Variants in NAALADL2 observed in about 807,000 individuals in gnomAD.
The protein encoded by NAALADL2 is N-acetylated alpha-linked acidic dipeptidase like 2, also known as inactive N-acetylated-alpha-linked acidic dipeptidase-like protein 2.
NAALADL2 carries 76 observed loss-of-function variants against 87.2 expected under a neutral mutation model. The ratio of observed to expected loss-of-function variants is 0.87; its 90% CI spans 0.72 to 1.05. The LOEUF (loss-of-function observed/expected upper bound fraction) is 1.05. Among genes scored for constraint, NAALADL2 ranks in the 50% least tolerant of loss-of-function variants. NAALADL2 has a pLI of 0.00. For synonymous variants in NAALADL2, 354 were observed against 331.0 expected (o/e 1.07, Z -0.75); for missense variants, 1,089 against 945.8 (o/e 1.15, Z -1.99).
intron 2 of NAALADL2, among the ~76,000 whole-genome samples, chr3:174,589,013 G>A (rs994824174): frequency 1.3e-5 from 2 of 152,054 alleles, no homozygotes; most frequent in Admixed American, 6.5e-5. Flanking sequence ...CTTGAGCTGC[G>A]GTGGGTTCCA....
chr3:174,977,302 T>G (rs9872910), intron 1 of NAALADL2, among the ~76,000 whole-genome samples: 2 of 151,834 alleles, frequency 1.3e-5, no homozygotes, highest in Non-Finnish European at 2.9e-5. Flanking sequence ...TTTTTGTATT[T>G]TTAGTAGAGA....
intron 2 of NAALADL2, among the ~76,000 whole-genome samples, chr3:175,133,322 C>T (rs1453016725): frequency 7.9e-5 from 12 of 152,212 alleles, no homozygotes; most frequent in East Asian, 5.8e-4. Context: ...GACGGGGTGG[C>T]GGCTGGGCAG....
At chr3:175,089,492 T>C (rs1719668754) in intron 1 of NAALADL2, among the ~76,000 whole-genome samples, 2 of 152,178 alleles carry the variant, frequency 1.3e-5, no homozygotes, top group Admixed American at 1.3e-4. Context: ...AAAACGGGGA[T>C]AATAATAGCA....
intron 13 of NAALADL2, among the ~76,000 whole-genome samples, chr3:175,775,469 A>G (rs1750097161): frequency 1.3e-5 from 2 of 152,136 alleles, no homozygotes; most frequent in Admixed American, 1.3e-4. Flanking sequence ...GCCTCATTAA[A>G]ACAAACAAAT....
At chr3:175,216,581 C>A (rs1451483951) in intron 2 of NAALADL2, among the ~76,000 whole-genome samples, 1 of 151,282 alleles carries the variant, frequency 6.6e-6, no homozygotes, top group Non-Finnish European at 1.5e-5. Context: ...TAGTGAGGTA[C>A]AGAACTCTTG....
At chr3:175,030,918 CT>C (rs869293649) in intron 1 of NAALADL2, among the ~76,000 whole-genome samples, 1 of 151,906 alleles carries the variant, frequency 6.6e-6, no homozygotes, top group African/African-American at 2.4e-5. Flanking sequence ...GCAGATACTA[CT>C]TTTTTAAAAA....
At chr3:175,554,219 T>A (rs1714900171) in intron 9 of NAALADL2, among the ~76,000 whole-genome samples, 1 of 152,090 alleles carries the variant, frequency 6.6e-6, no homozygotes, top group Non-Finnish European at 1.5e-5. Flanking sequence ...GAGGCAGCAA[T>A]CGGGAGCCAT....
intron 9 of NAALADL2, among the ~76,000 whole-genome samples, chr3:175,521,184 A>T (rs1431770329): frequency 1.3e-5 from 2 of 151,864 alleles, no homozygotes; most frequent in Non-Finnish European, 2.9e-5. Flanking sequence ...GTCTCAAGGG[A>T]GTATACATTT....
rs780197455 is a variant in NAALADL2, at chr3:175,471,765, C to A, written c.1653+7C>A. On this transcript the variant is annotated splice_region_variant and intron_variant, in intron 9 of 13. Transcript: ENST00000454872. ...TCAGCAACTGGTAGTAGAGGTAAGACAAACCACTATTGTATCAAATGATTA... is the reference window on the plus strand; with the variant it reads ...TCAGCAACTGGTAGTAGAGGTAAGAAAAACCACTATTGTATCAAATGATTA... 2 of 1,596,960 alleles carry A rather than the reference C, an allele frequency of 1.3e-6. No homozygotes were observed. Among genetic ancestry groups the A allele is most frequent in the South Asian group, 2.3e-5 (2 of 87,454 alleles).
chr3:175,448,056 C>G (rs1720978157), intron 6 of NAALADL2, among the ~76,000 whole-genome samples: 1 of 152,162 alleles, frequency 6.6e-6, no homozygotes, highest in African/African-American at 2.4e-5. Context: ...GTCCAGACCT[C>G]TGGGTTCAAT....
intron 1 of NAALADL2, among the ~76,000 whole-genome samples, chr3:174,483,081 G>A (rs1473108810): frequency 2.6e-5 from 4 of 151,956 alleles, no homozygotes; most frequent in African/African-American, 9.7e-5. Context: ...CCCTCCTTGA[G>A]TAAAAACAAC....
chr3:175,749,322 A>G (rs563277697), intron 12 of NAALADL2, among the ~76,000 whole-genome samples: 1 of 152,238 alleles, frequency 6.6e-6, no homozygotes, highest in African/African-American at 2.4e-5. Context: ...AGTTTATGCT[A>G]AGTTGAAACT....
At chr3:175,744,005 C>A (rs574235086) in intron 12 of NAALADL2, among the ~76,000 whole-genome samples, 1 of 152,272 alleles carries the variant, frequency 6.6e-6, no homozygotes, top group East Asian at 1.9e-4. Flanking sequence ...TCACATTATT[C>A]TTCTAGGGTT....
chr3:175,730,806 C>G, intron 11 of NAALADL2, among the ~76,000 whole-genome samples: 1 of 151,730 alleles, frequency 6.6e-6, no homozygotes, highest in East Asian at 1.9e-4. Context: ...CTAGTATGGT[C>G]AGAGAATAAT....
chr3:175,065,549 C>T (rs1480092733), intron 1 of NAALADL2, among the ~76,000 whole-genome samples: 1 of 152,170 alleles, frequency 6.6e-6, no homozygotes, highest in African/African-American at 2.4e-5. Context: ...TCCTACCAGT[C>T]CCATCTCTGT....
chr3:175,091,919 G>C (rs1459479408), intron 1 of NAALADL2, among the ~76,000 whole-genome samples: 1 of 151,808 alleles, frequency 6.6e-6, no homozygotes, highest in African/African-American at 2.4e-5. Flanking sequence ...AACATCTCCA[G>C]TTCTTTGTTA....
In NAALADL2 at chr3:174,861,367, T is replaced by C. The variant is rs143580161; in HGVS notation, c.43+1917T>C. 2.9e-3 allele frequency among the ~76,000 whole-genome samples: 445 copies of C among 152,156 alleles called. 2 individuals carry two copies. The highest frequency in any genetic ancestry group is 0.01 in the African/African-American group (430 of 41,544). ...ATAAAGGCAATGGAATGCCTTAACA[T>C]TTTTCTGTTGTCTGTGATACCCTGT... On this transcript the variant is annotated intron_variant, in intron 1 of 13. Transcript: ENST00000454872.
At chr3:175,658,543 C>T (rs980932401) in intron 11 of NAALADL2, among the ~76,000 whole-genome samples, 1 of 151,838 alleles carries the variant, frequency 6.6e-6, no homozygotes, top group African/African-American at 2.4e-5. Flanking sequence ...AAATATGCAA[C>T]AGGGTAGAAA....
intron 2 of NAALADL2, among the ~76,000 whole-genome samples, chr3:175,139,862 G>A (rs1729731023): frequency 6.6e-6 from 1 of 152,084 alleles, no homozygotes; most frequent in Admixed American, 6.6e-5. Flanking sequence ...CTCTAACAAA[G>A]GGGTACCAAC....
Sources: gnomAD v4.1 joint callset for allele counts (sites outside exome capture counted in the v4.1 genomes callset) on GRCh38, gnomAD v4.1.1 for gene constraint, MANE v1.5 for transcripts, NCBI Gene and HGNC (gene_info 2026-07-23, HGNC 2026-07-21) for gene names.